Variants in STK33 observed in about 807,000 individuals in gnomAD.
The protein encoded by STK33 is serine/threonine kinase 33.
Under a neutral mutation model 58.0 loss-of-function variants are expected in STK33, and 52 were observed. That is an observed-to-expected ratio of 0.90 (90% CI 0.72 to 1.13). The LOEUF (loss-of-function observed/expected upper bound fraction) is 1.13, where lower values mean the gene tolerates loss of function less well. STK33 is among the 50% of genes most tolerant of loss of function. The probability of loss-of-function intolerance (pLI) is 0.00; values close to 1 mark genes in which losing one functional copy is unlikely to be tolerated. For missense variants in STK33, 630 were observed against 604.2 expected (o/e 1.04, Z -0.45); for synonymous variants, 215 against 200.1 (o/e 1.07, Z -0.63).
intron 1 of STK33, among the ~76,000 whole-genome samples, chr11:8,490,796 C>T (rs1181940154): frequency 6.6e-6 from 1 of 152,178 alleles, no homozygotes; most frequent in Non-Finnish European, 1.5e-5. Context: ...CCCAGGGAAA[C>T]ACGGTCTGGA....
At chr11:8,434,564 C>T (rs561186120) in intron 14 of STK33, among the ~76,000 whole-genome samples, 2 of 152,218 alleles carry the variant, frequency 1.3e-5, no homozygotes, top group East Asian at 3.9e-4. Context: ...AGTCTGTTTC[C>T]CGTTCATATA....
At chr11:8,545,877 T>G (rs7929120) in intron 1 of STK33, among the ~76,000 whole-genome samples, 65,808 of 152,012 alleles carry the variant, frequency 0.43, 14,513 homozygotes, top group South Asian at 0.57. Flanking sequence ...TTGGGTAATT[T>G]ATCATTGTGC....
chr11:8,477,042 G>A (rs1949343189), intron 3 of STK33, among the ~76,000 whole-genome samples: 1 of 151,838 alleles, frequency 6.6e-6, no homozygotes, highest in African/African-American at 2.4e-5. Context: ...TTTCTATTGT[G>A]ATTAAAACTC....
intron 1 of STK33, among the ~76,000 whole-genome samples, chr11:8,586,233 A>C (rs1156377008): frequency 4.0e-5 from 6 of 151,830 alleles, no homozygotes; most frequent in African/African-American, 4.8e-5. Context: ...AAAAAAAAAA[A>C]AAAACACCTG....
At chr11:8,381,825 C>A in the STK33 span, among the ~76,000 whole-genome samples, 2 of 152,124 alleles carry the variant, frequency 1.3e-5, no homozygotes, top group African/African-American at 2.4e-5. Context: ...TAGGCAGATA[C>A]GCTTTTTCCA....
At chr11:8,396,385 T>C (rs985603953) in intron 15 of STK33, among the ~76,000 whole-genome samples, 1 of 152,250 alleles carries the variant, frequency 6.6e-6, no homozygotes, top group African/African-American at 2.4e-5. Flanking sequence ...TGTATGTGTA[T>C]GGGTACCTTA....
intron 14 of STK33, among the ~76,000 whole-genome samples, chr11:8,414,501 G>A (rs375472382): frequency 3.3e-5 from 5 of 152,062 alleles, no homozygotes; most frequent in Admixed American, 1.3e-4. Context: ...GCTATGAAGC[G>A]ATTCTAAATT....
In STK33 at chr11:8,560,477, A is replaced by T. The variant is rs76479215; in HGVS notation, c.-466+33606T>A. Reference sequence around the variant, plus strand: ...ATGATATCAATCCTCCTTCTGTCAAACATATTGCAATTATTCTCCCCCACT... The same window carrying T: ...ATGATATCAATCCTCCTTCTGTCAATCATATTGCAATTATTCTCCCCCACT... On this transcript the variant is annotated intron_variant, in intron 1 of 15. Transcript: ENST00000687296. Among the ~76,000 whole-genome samples the T allele has an allele frequency of 1.6e-3, 243 of 152,156 alleles. 4 individuals are homozygous for T. The East Asian group carries it at 0.035, about 22-fold the overall frequency.
chr11:8,558,152 A>G (rs1378774897), intron 1 of STK33, among the ~76,000 whole-genome samples: 1 of 152,248 alleles, frequency 6.6e-6, no homozygotes, highest in African/African-American at 2.4e-5. Context: ...AAAAGGAAAA[A>G]TAAGATTTCC....
chr11:8,497,357 G>A (rs1351203214), intron 1 of STK33, among the ~76,000 whole-genome samples: 1 of 152,172 alleles, frequency 6.6e-6, no homozygotes, highest in African/African-American at 2.4e-5. Flanking sequence ...CAGTGAGAGA[G>A]AAGCAACTTA....
At chr11:8,447,552 T>C (rs528024828) in intron 11 of STK33, among the ~76,000 whole-genome samples, 1 of 152,156 alleles carries the variant, frequency 6.6e-6, no homozygotes, top group African/African-American at 2.4e-5. Flanking sequence ...ATTATCTCAA[T>C]AGATGCAGAA....
chr11:8,582,358 A>C lies in STK33; in HGVS notation c.-466+11725T>G, dbSNP rs370079568. On this transcript the variant is annotated intron_variant, in intron 1 of 15. Coordinates refer to ENST00000687296, the MANE Select transcript of STK33 (RefSeq NM_001352389.2). ...TATTAGTCTGTTTTCATACGGCTAT[A>C]AAGAACTGCCCAAGACTGGGTAATT... 1.6e-3 allele frequency among the ~76,000 whole-genome samples: 249 copies of C among 152,356 alleles called. 2 individuals carry two copies. The highest frequency in any genetic ancestry group is 5.7e-3 in the African/African-American group (236 of 41,584).
the STK33 span, among the ~76,000 whole-genome samples, chr11:8,345,511 G>A: frequency 6.6e-6 from 1 of 152,276 alleles, no homozygotes; most frequent in African/African-American, 2.4e-5. Context: ...AGCTAACGGT[G>A]TAATGAAGGA....
At chr11:8,585,757 A>C (rs1342407940) in intron 1 of STK33, among the ~76,000 whole-genome samples, 1 of 151,838 alleles carries the variant, frequency 6.6e-6, no homozygotes, top group East Asian at 2.0e-4. Flanking sequence ...CAAAAAATAC[A>C]AAAATTAAAA....
At chr11:8,517,773 G>A (rs190568102) in intron 1 of STK33, among the ~76,000 whole-genome samples, 1 of 152,224 alleles carries the variant, frequency 6.6e-6, no homozygotes, top group African/African-American at 2.4e-5. Flanking sequence ...AATGAAGCGA[G>A]AAGAGAAGTT....
the STK33 span, among the ~76,000 whole-genome samples, chr11:8,356,359 G>A: frequency 6.6e-6 from 1 of 152,154 alleles, no homozygotes; most frequent in African/African-American, 2.4e-5. Context: ...GGCTGTGGAG[G>A]GGGAGAAGAA....
At chr11:8,347,552 T>C in the STK33 span, among the ~76,000 whole-genome samples, 26 of 152,232 alleles carry the variant, frequency 1.7e-4, no homozygotes, top group Admixed American at 1.7e-3. Context: ...GGAGCATTGC[T>C]GGTGACTACA....
At chr11:8,548,967 T>G (rs1383884123) in intron 1 of STK33, among the ~76,000 whole-genome samples, 15 of 152,310 alleles carry the variant, frequency 9.8e-5, no homozygotes, top group Admixed American at 9.1e-4. Flanking sequence ...TGCATGCTGG[T>G]TTTGTATAAA....
At chr11:8,371,014 A>T in the STK33 span, among the ~76,000 whole-genome samples, 1 of 152,086 alleles carries the variant, frequency 6.6e-6, no homozygotes, top group Non-Finnish European at 1.5e-5. Context: ...AGCATGGCTA[A>T]TGTCTGATCC....
Sources: allele counts gnomAD v4.1 joint callset (sites outside exome capture counted in the v4.1 genomes callset), GRCh38; gene constraint gnomAD v4.1.1; transcripts MANE v1.5; gene names NCBI Gene and HGNC (gene_info 2026-07-23, HGNC 2026-07-21).